The following RANBP2 variants were observed in gnomAD, a reference collection of about 807,000 sequenced individuals.
RANBP2 encodes E3 SUMO-protein ligase RanBP2.
Under a neutral mutation model 303.6 loss-of-function variants are expected in RANBP2, and 57 were observed. The observed-to-expected ratio is 0.19, with a 90% confidence interval of 0.15 to 0.23. The LOEUF is 0.23. Among genes scored for constraint, RANBP2 ranks in the 10% least tolerant of loss-of-function variants. The pLI is 1.00. For synonymous variants in RANBP2, 1,167 were observed against 1,301.5 expected (o/e 0.90, Z 2.23); for missense variants, 3,138 against 3,780.8 (o/e 0.83, Z 4.46).
the RANBP2 span, among the ~76,000 whole-genome samples, chr2:109,293,392 C>G: frequency 6.6e-6 from 1 of 152,234 alleles, no homozygotes. Flanking sequence ...CAGCCCTGTT[C>G]TCTTGTCTGG....
chr2:108,880,852 GATAAC>G, the RANBP2 span, among the ~76,000 whole-genome samples: 1 of 152,282 alleles, frequency 6.6e-6, no homozygotes, highest in African/African-American at 2.4e-5. Context: ...TTCCATGCCT[GATAAC>G]ATAACATCCA....
At chr2:109,629,510 A>C in the RANBP2 span, among the ~76,000 whole-genome samples, 1 of 151,730 alleles carries the variant, frequency 6.6e-6, no homozygotes. Context: ...TTGAATAGTA[A>C]GTACGAAAAT....
the RANBP2 span, among the ~76,000 whole-genome samples, chr2:109,604,492 C>T: frequency 1.5e-4 from 22 of 150,334 alleles, no homozygotes; most frequent in East Asian, 4.0e-3. Flanking sequence ...TTTGGGAGGC[C>T]GAGGCGGGTG....
the RANBP2 span, chr2:109,614,802 GCC>G: frequency 6.8e-7 from 1 of 1,466,624 alleles, no homozygotes; most frequent in East Asian, 3.0e-5. Context: ...CGAGCCCGAG[GCC>G]CCCGACGGCC....
chr2:109,452,986 TCCCGGGAGGCTGGTC>T, the RANBP2 span, among the ~76,000 whole-genome samples: 1 of 150,658 alleles, frequency 6.6e-6, no homozygotes, highest in Non-Finnish European at 1.5e-5. Flanking sequence ...GGGAGGCTAT[TCCCGGGAGGCTGGTC>T]CCCGGGAAAC....
chr2:108,866,584 C>T, the RANBP2 span, among the ~76,000 whole-genome samples: 1 of 152,152 alleles, frequency 6.6e-6, no homozygotes, highest in South Asian at 2.1e-4. Flanking sequence ...AGTATTGACA[C>T]ATTGAAATGA....
the RANBP2 span, among the ~76,000 whole-genome samples, chr2:109,232,902 GACAA>G: frequency 6.6e-6 from 1 of 152,114 alleles, no homozygotes; most frequent in East Asian, 1.9e-4. Context: ...TGTGAGTTTT[GACAA>G]ACAACTGCAG....
chr2:109,613,961 G>C, the RANBP2 span: 1 of 1,160,200 alleles, frequency 8.6e-7, no homozygotes. Flanking sequence ...CCGCGACGGG[G>C]AAGGGACAGG....
At chr2:108,930,505 C>T in the RANBP2 span, among the ~76,000 whole-genome samples, 1 of 152,158 alleles carries the variant, frequency 6.6e-6, no homozygotes, top group Non-Finnish European at 1.5e-5. Flanking sequence ...ACCATCAAGG[C>T]CTGCTCTGAG....
intron 7 of RANBP2, among the ~76,000 whole-genome samples, chr2:108,745,161 T>G (rs1265503114): frequency 6.6e-6 from 1 of 150,992 alleles, no homozygotes. Flanking sequence ...TAGCAATGAT[T>G]AACTTGTGCC....
chr2:109,234,281 C>T, the RANBP2 span, among the ~76,000 whole-genome samples: 2 of 152,316 alleles, frequency 1.3e-5, no homozygotes, highest in East Asian at 3.9e-4. Context: ...GTAAATGCAC[C>T]TTTCATGGAC....
At chr2:109,189,838 T>A in the RANBP2 span, among the ~76,000 whole-genome samples, 1 of 152,174 alleles carries the variant, frequency 6.6e-6, no homozygotes, top group African/African-American at 2.4e-5. Flanking sequence ...AAGCCGACAG[T>A]GGCCAGAGAT....
intron 1 of RANBP2, among the ~76,000 whole-genome samples, chr2:108,720,430 T>C (rs898442689): frequency 1.3e-5 from 2 of 152,160 alleles, no homozygotes; most frequent in Non-Finnish European, 2.9e-5. Context: ...CCACAAATGT[T>C]TTAAGGGTAT....
At chr2:109,577,318 C>T in the RANBP2 span, among the ~76,000 whole-genome samples, 1,159 of 152,150 alleles carry the variant, frequency 7.6e-3, 19 homozygotes, top group African/African-American at 0.026. Flanking sequence ...AGAACTCGGC[C>T]GGGCATGGTG....
the RANBP2 span, among the ~76,000 whole-genome samples, chr2:109,734,679 G>T: frequency 6.6e-6 from 1 of 151,832 alleles, no homozygotes; most frequent in Non-Finnish European, 1.5e-5. Flanking sequence ...ACCCTGAATT[G>T]CCAAAAGAAT....
At chr2:109,089,042 A>T in the RANBP2 span, among the ~76,000 whole-genome samples, 4 of 152,200 alleles carry the variant, frequency 2.6e-5, no homozygotes, top group Admixed American at 6.5e-5. Context: ...AGCAAACTCG[A>T]GTTCTTTCAG....
chr2:109,037,807 G>A, the RANBP2 span, among the ~76,000 whole-genome samples: 3 of 152,146 alleles, frequency 2.0e-5, no homozygotes, highest in Non-Finnish European at 4.4e-5. Flanking sequence ...AATAAAAGAG[G>A]ATTTAGCTAA....
the RANBP2 span, among the ~76,000 whole-genome samples, chr2:109,703,586 G>A: frequency 8.5e-5 from 13 of 152,164 alleles, no homozygotes; most frequent in African/African-American, 2.4e-4. Context: ...GTGCCACCAC[G>A]CCCAACTAAT....
chr2:108,835,112 C>T, the RANBP2 span, among the ~76,000 whole-genome samples: 1 of 152,276 alleles, frequency 6.6e-6, no homozygotes. Flanking sequence ...ATGGAGATCT[C>T]ATCTCTTTTT....
Sources: allele counts gnomAD v4.1 joint callset (sites outside exome capture counted in the v4.1 genomes callset), GRCh38; gene constraint gnomAD v4.1.1; transcripts MANE v1.5; gene names NCBI Gene and HGNC (gene_info 2026-07-23, HGNC 2026-07-21).